The following RAD51B variants were observed in gnomAD, a reference collection of about 807,000 sequenced individuals.
The protein encoded by RAD51B is RAD51 paralog B.
A neutral mutation model predicts 42.2 loss-of-function variants in RAD51B; 38 were observed. The observed-to-expected ratio is 0.90, with a 90% CI of 0.70 to 1.18. RAD51B has a LOEUF of 1.18. Among genes scored for constraint, RAD51B ranks in the 50% most tolerant of loss-of-function variants. The pLI, the probability that RAD51B is intolerant of heterozygous loss-of-function variation, is 0.00. For missense variants in RAD51B, 373 were observed against 400.7 expected, an observed-to-expected ratio of 0.93 and a Z score of 0.59; for synonymous variants, 154 against 145.2, an observed-to-expected ratio of 1.06 and a Z score of -0.43.
At chr14:68,002,501 A>G (rs975832375) in intron 7 of RAD51B, among the ~76,000 whole-genome samples, 1 of 152,070 alleles carries the variant, frequency 6.6e-6, no homozygotes, top group Non-Finnish European at 1.5e-5. Context: ...CAGCTTGATG[A>G]TAGTTTCTTT....
intron 7 of RAD51B, among the ~76,000 whole-genome samples, chr14:67,980,572 G>C (rs2075073600): frequency 6.6e-6 from 1 of 152,208 alleles, no homozygotes; most frequent in African/African-American, 2.4e-5. Context: ...AAAGAATGGA[G>C]AGTCCAGAAA....
At chr14:68,608,745 C>T (rs375587191) in intron 10 of RAD51B, among the ~76,000 whole-genome samples, 54 of 152,310 alleles carry the variant, frequency 3.5e-4, no homozygotes, top group African/African-American at 1.3e-3. Context: ...GCCCCCTTTG[C>T]CTCTGGGAGC....
intron 10 of RAD51B, among the ~76,000 whole-genome samples, chr14:68,489,416 T>C (rs1594905246): frequency 2.0e-5 from 3 of 152,312 alleles, no homozygotes; most frequent in Admixed American, 6.5e-5. Context: ...TTAAAATTAT[T>C]TAATGCATGT....
chr14:68,117,896 C>T (rs2077577171), intron 7 of RAD51B, among the ~76,000 whole-genome samples: 2 of 152,150 alleles, frequency 1.3e-5, no homozygotes, highest in South Asian at 4.1e-4. Flanking sequence ...TTCGAATTGC[C>T]GTTAGAAGCC....
At position 67,823,094 on chromosome 14, in the gene RAD51B, A is replaced by G. The variant is rs1380379504; in HGVS notation, c.-2-448A>G. Among the ~76,000 whole-genome samples, 14 of 152,202 alleles carry G rather than the reference A, an allele frequency of 9.2e-5. No homozygotes were observed. The South Asian group carries it at 2.7e-3, about 29-fold the overall frequency. On this transcript the variant is annotated intron_variant, in intron 1 of 10. Coordinates refer to ENST00000471583, the MANE Select transcript of RAD51B (RefSeq NM_133510.4). Reference sequence around the variant, plus strand: ...CCTGGTATGTGGTAGGTGCTCCATAAATATACCTATTGCCGTTACAGTGCA... The same window carrying G: ...CCTGGTATGTGGTAGGTGCTCCATAGATATACCTATTGCCGTTACAGTGCA...
chr14:68,570,903 A>ACATG (rs1889670444), intron 10 of RAD51B, among the ~76,000 whole-genome samples: 1 of 149,982 alleles, frequency 6.7e-6, no homozygotes, highest in South Asian at 2.1e-4. Flanking sequence ...ACACATGCAC[A>ACATG]CACACACACA....
At chr14:67,947,608 C>T (rs935678640) in intron 7 of RAD51B, among the ~76,000 whole-genome samples, 1 of 151,998 alleles carries the variant, frequency 6.6e-6, no homozygotes, top group African/African-American at 2.4e-5. Context: ...ATGTGACTCC[C>T]CTAGAAGTAT....
intron 7 of RAD51B, among the ~76,000 whole-genome samples, chr14:68,130,531 C>G (rs982146088): frequency 5.3e-5 from 8 of 152,192 alleles, no homozygotes; most frequent in Admixed American, 3.3e-4. Context: ...TCAAAATTCT[C>G]ATTGTATAGC....
At chr14:68,159,882 C>T (rs2078600612) in intron 7 of RAD51B, among the ~76,000 whole-genome samples, 1 of 152,104 alleles carries the variant, frequency 6.6e-6, no homozygotes, top group South Asian at 2.1e-4. Context: ...AACCCAATTA[C>T]TTTATGCTTC....
intron 7 of RAD51B, among the ~76,000 whole-genome samples, chr14:68,157,611 A>C (rs2078540800): frequency 6.6e-6 from 1 of 152,232 alleles, no homozygotes; most frequent in Non-Finnish European, 1.5e-5. Context: ...AGGTTGCTTA[A>C]CTACCAGTTC....
At chr14:68,307,099 C>T (rs1248250763) in intron 8 of RAD51B, among the ~76,000 whole-genome samples, 1 of 151,402 alleles carries the variant, frequency 6.6e-6, no homozygotes. Context: ...TCTTGGGAGG[C>T]GGCTGGACTG....
At chr14:67,994,847 C>T (rs1324444535) in intron 7 of RAD51B, among the ~76,000 whole-genome samples, 1 of 152,016 alleles carries the variant, frequency 6.6e-6, no homozygotes, top group Non-Finnish European at 1.5e-5. Context: ...GACACAATAA[C>T]CAAAAGGTGG....
intron 10 of RAD51B, among the ~76,000 whole-genome samples, chr14:68,619,475 A>AG (rs1566956886): frequency 6.6e-6 from 1 of 151,456 alleles, no homozygotes; most frequent in Non-Finnish European, 1.5e-5. Context: ...AAAAAAAAGA[A>AG]AAAAAAAAGT....
chr14:68,081,265 T>C (rs1445544742), intron 7 of RAD51B, among the ~76,000 whole-genome samples: 3 of 152,196 alleles, frequency 2.0e-5, no homozygotes, highest in Non-Finnish European at 4.4e-5. Flanking sequence ...TAACTGATAC[T>C]GAGTTGTTTT....
intron 10 of RAD51B, among the ~76,000 whole-genome samples, chr14:68,594,051 C>T (rs987828193): frequency 6.6e-6 from 1 of 152,178 alleles, no homozygotes; most frequent in African/African-American, 2.4e-5. Context: ...TCTGATGACA[C>T]ATTAGGACAG....
chr14:68,072,095 A>AT lies in RAD51B; in HGVS notation c.756+184891_756+184892insT, dbSNP rs1194871859. Among the ~76,000 whole-genome samples, 134 of 124,040 alleles carry AT rather than the reference A, an allele frequency of 1.1e-3. 3 individuals are homozygous for AT. Among genetic ancestry groups the AT allele is most frequent in the Non-Finnish European group, 1.3e-3 (78 of 60,806 alleles). 81.4% of individuals were successfully genotyped at this position (124,040 alleles called of 152,430 possible). ...AATATATAAATATATATAAATATAT[A>AT]ATATATAAAATATAAAAAATATATA... On this transcript the variant is annotated intron_variant, in intron 7 of 10. Transcript: ENST00000471583.
intron 10 of RAD51B, chr14:68,594,422 A>G (rs1374409939): frequency 9.7e-6 from 13 of 1,337,304 alleles, no homozygotes; most frequent in Non-Finnish European, 1.3e-5. Flanking sequence ...AGGAAGCCTC[A>G]GGGCCTCAGA....
rs562386093 is a variant in RAD51B, at chr14:68,020,217, C to T, written c.756+133013C>T. ...CTCTGTCTCCTGGGCTCAAGCAATC[C>T]TCCCAGCTCAGCCTCTCGAGTAGCT... On this transcript the variant is annotated intron_variant, in intron 7 of 10. Coordinates refer to ENST00000471583, the MANE Select transcript of RAD51B (RefSeq NM_133510.4). 1.6e-4 allele frequency among the ~76,000 whole-genome samples: 25 copies of T among 152,234 alleles called. No individual in the cohort carries two copies. In the South Asian group the frequency reaches 5.0e-3, roughly 30 times the overall value.
At chr14:68,594,834 G>A in exon 11 of RAD51B, 1 of 1,200,806 alleles carries the variant, frequency 8.3e-7, no homozygotes, top group East Asian at 3.7e-5. Context: ...CTGCTCAGGT[G>A]CCCCTCCCCA....
Sources: gnomAD v4.1 joint callset for allele counts (sites outside exome capture counted in the v4.1 genomes callset) on GRCh38, gnomAD v4.1.1 for gene constraint, MANE v1.5 for transcripts, NCBI Gene and HGNC (gene_info 2026-07-23, HGNC 2026-07-21) for gene names.